INPP5F: variants seen among roughly 807,000 people sequenced by gnomAD.
The protein encoded by INPP5F is inositol polyphosphate-5-phosphatase F.
INPP5F carries 97 observed loss-of-function variants against 137.2 expected under a neutral mutation model. The observed-to-expected ratio is 0.71, with a 90% CI of 0.60 to 0.84. The LOEUF (loss-of-function observed/expected upper bound fraction) is 0.84. Among genes scored for constraint, INPP5F ranks in the 40% least tolerant of loss-of-function variants. The probability of loss-of-function intolerance (pLI) is 0.00; values close to 1 mark genes in which losing one functional copy is unlikely to be tolerated. For synonymous variants in INPP5F, 504 were observed against 476.9 expected, an observed-to-expected ratio of 1.06 and a Z score of -0.74; for missense variants, 1,271 against 1,371.9, an observed-to-expected ratio of 0.93 and a Z score of 1.16.
intron 1 of INPP5F, among the ~76,000 whole-genome samples, chr10:119,741,114 C>T (rs1848362110): frequency 6.6e-6 from 1 of 152,194 alleles, no homozygotes. Context: ...TAGGATTCTT[C>T]ACCCAGGACA....
chr10:119,792,609 T>C (rs1850188151), intron 6 of INPP5F, among the ~76,000 whole-genome samples: 1 of 151,354 alleles, frequency 6.6e-6, no homozygotes, highest in East Asian at 1.9e-4. Context: ...CGGACTTCTG[T>C]TTTCTATCTG....
In INPP5F at chr10:119,798,142, G is replaced by A. The variant is rs144086622; in HGVS notation, c.1049-401G>A. On this transcript the variant is annotated intron_variant, in intron 8 of 19. Coordinates refer to ENST00000650623, the MANE Select transcript of INPP5F (RefSeq NM_014937.4). Reference sequence around the variant, plus strand: ...GTCATTTAAATCTAATTAGATTACTGAATGAGCTTGATTTTAAAAAAAATG... The same window carrying A: ...GTCATTTAAATCTAATTAGATTACTAAATGAGCTTGATTTTAAAAAAAATG... 6.6e-3 allele frequency among the ~76,000 whole-genome samples: 995 copies of A among 151,332 alleles called. 4 individuals are homozygous for A. Among genetic ancestry groups the A allele is most frequent in the Non-Finnish European group, 7.1e-3 (481 of 67,880 alleles).
Position 119,827,403 on chromosome 10 carries a change from CCTT to C in INPP5F, c.3025_3027del (p.Ser1009del), listed in dbSNP as rs1851810676. 8.1e-6 allele frequency: 13 copies of C among 1,614,186 alleles called. No homozygotes were observed. The highest frequency in any genetic ancestry group is 1.3e-5 in the African/African-American group (1 of 75,040). On this transcript the variant is annotated inframe_deletion, in exon 20 of 20. Coordinates refer to ENST00000650623, the MANE Select transcript of INPP5F (RefSeq NM_014937.4). The stretch of plus-strand genomic sequence containing the variant: ...CCAATCAGAATCAACAGAACAGACA[CCTT>C]CTCGGCCATCGCAATTAGATGTCTC...
chr10:119,795,566 C>G (rs960868209), intron 6 of INPP5F, among the ~76,000 whole-genome samples: 1 of 151,282 alleles, frequency 6.6e-6, no homozygotes, highest in Admixed American at 6.6e-5. Context: ...GGATGGCGGC[C>G]GGGCAGAGAC....
rs1259679426 is a variant in INPP5F, at chr10:119,820,627, A to G, written c.1887-219A>G. Among the ~76,000 whole-genome samples the G allele has an allele frequency of 2.0e-5, 3 of 152,050 alleles. No individual in the cohort carries two copies. The East Asian group carries it at 5.8e-4, about 29-fold the overall frequency. ...CTTTGGCTGCCTTTCTCTACGCTCC[A>G]TCCCTCACTTCCCACATCTGCTTTT... On this transcript the variant is annotated intron_variant, in intron 15 of 19. Transcript: ENST00000650623.
chr10:119,816,086 C>G (rs887637736), intron 15 of INPP5F: 1 of 152,240 alleles, frequency 6.6e-6, no homozygotes, highest in Non-Finnish European at 1.5e-5. Flanking sequence ...GGCCTGCCTA[C>G]CAGGAGTCTT....
chr10:119,730,266 C>T (rs570332395), intron 1 of INPP5F, among the ~76,000 whole-genome samples: 5 of 152,286 alleles, frequency 3.3e-5, no homozygotes, highest in African/African-American at 7.2e-5. Context: ...CCTGTCACCA[C>T]GCCTGGCAAG....
intron 19 of INPP5F, chr10:119,826,145 CAG>C: frequency 5.1e-6 from 2 of 395,926 alleles, no homozygotes; most frequent in Admixed American, 8.8e-5. Context: ...CATTTACAGT[CAG>C]AGATGTCTTT....
At chr10:119,819,754 TTTG>T (rs1851475612) in intron 15 of INPP5F, 1 of 384,172 alleles carries the variant, frequency 2.6e-6, no homozygotes, top group South Asian at 9.4e-5. Flanking sequence ...TTGAGGTGAA[TTTG>T]TTGTTTTAGA....
chr10:119,732,500 C>CTTTTCT (rs1554882797), intron 1 of INPP5F, among the ~76,000 whole-genome samples: 5 of 115,566 alleles, frequency 4.3e-5, no homozygotes, highest in East Asian at 2.6e-4. Context: ...TTTCTTTTTT[C>CTTTTCT]TTTTTTTTTT....
chr10:119,763,382 C>G (rs2134145541), intron 2 of INPP5F, among the ~76,000 whole-genome samples: 1 of 152,308 alleles, frequency 6.6e-6, no homozygotes, highest in Middle Eastern at 3.4e-3. Flanking sequence ...TTGAATAATG[C>G]AGTCCCTGCC....
At chr10:119,822,195 C>T (rs747389219) in intron 16 of INPP5F, among the ~76,000 whole-genome samples, 1 of 152,058 alleles carries the variant, frequency 6.6e-6, no homozygotes, top group African/African-American at 2.4e-5. Flanking sequence ...GCCGTAGTTG[C>T]TTTTTTTAAC....
chr10:119,819,423 A>T, intron 15 of INPP5F: 1 of 1,488,592 alleles, frequency 6.7e-7, no homozygotes, highest in Non-Finnish European at 9.0e-7. Flanking sequence ...TATTAATGCC[A>T]AAATAGGAGC....
At chr10:119,794,454 A>C (rs1335947836) in intron 6 of INPP5F, among the ~76,000 whole-genome samples, 1 of 151,984 alleles carries the variant, frequency 6.6e-6, no homozygotes, top group African/African-American at 2.4e-5. Context: ...CCGATTTCTC[A>C]ATCTTTTCCC....
chr10:119,801,748 GTAAA>G (rs1850602853), intron 9 of INPP5F, among the ~76,000 whole-genome samples: 1 of 151,862 alleles, frequency 6.6e-6, no homozygotes, highest in South Asian at 2.1e-4. Flanking sequence ...TCCAAAATAA[GTAAA>G]TAAATAAAAT....
At position 119,804,206 on chromosome 10, in the gene INPP5F, G is replaced by A; in HGVS notation, c.1150G>A (p.Glu384Lys). ...TAACTTGGTAGACCAGGCAGGAAGA[G>A]AGAAGATTATTGGCGATGCTTACCT... ...IINLVDQAGR[E>K]KIIGDAYLKQ... The change falls in exon 10 of 20, where the codon GAG (glutamate) becomes AAG (lysine). Residue 384 changes from glutamate to lysine, a missense_variant. Transcript: ENST00000650623. 2 of 1,611,128 alleles carry A rather than the reference G, an allele frequency of 1.2e-6. No homozygotes were observed. Among genetic ancestry groups the A allele is most frequent in the Non-Finnish European group, 1.7e-6 (2 of 1,177,934 alleles).
At chr10:119,736,789 T>G (rs953733143) in intron 1 of INPP5F, among the ~76,000 whole-genome samples, 2 of 152,250 alleles carry the variant, frequency 1.3e-5, no homozygotes, top group African/African-American at 4.8e-5. Flanking sequence ...TGTGGCCGTC[T>G]TGCTGTGCTG....
At chr10:119,794,515 G>A (rs369675275) in intron 6 of INPP5F, among the ~76,000 whole-genome samples, 11 of 151,814 alleles carry the variant, frequency 7.2e-5, no homozygotes, top group Non-Finnish European at 1.3e-4. Flanking sequence ...ATCATGGCCC[G>A]TTCTCAATGA....
chr10:119,784,334 G>A (rs1849805508), intron 3 of INPP5F, among the ~76,000 whole-genome samples: 1 of 152,118 alleles, frequency 6.6e-6, no homozygotes, highest in Non-Finnish European at 1.5e-5. Context: ...GAGGACCAGT[G>A]TTACTTTCAC....
Sources: gnomAD v4.1 joint callset for allele counts (sites outside exome capture counted in the v4.1 genomes callset) on GRCh38, gnomAD v4.1.1 for gene constraint, MANE v1.5 for transcripts, NCBI Gene and HGNC (gene_info 2026-07-23, HGNC 2026-07-21) for gene names.